Variants in GRIA4 observed in about 807,000 individuals in gnomAD.
The protein encoded by GRIA4 is glutamate receptor 4.
In GRIA4, 34 loss-of-function variants were observed where a neutral mutation model predicts 104.0. The observed-to-expected ratio is 0.33, with a 90% CI of 0.25 to 0.44. The LOEUF (loss-of-function observed/expected upper bound fraction) is 0.44, where lower values mean the gene tolerates loss of function less well. GRIA4 is among the 20% of genes least tolerant of loss of function. The pLI is 1.00. For synonymous variants in GRIA4, 386 were observed against 381.9 expected (o/e 1.01, Z -0.13); for missense variants, 750 against 1,096.5 (o/e 0.68, Z 4.46).
intron 4 of GRIA4, among the ~76,000 whole-genome samples, chr11:105,804,415 T>TA (rs1942858399): frequency 6.6e-6 from 1 of 151,124 alleles, no homozygotes; most frequent in African/African-American, 2.4e-5. Flanking sequence ...AAATGACACA[T>TA]ATGACACATC....
intron 3 of GRIA4, among the ~76,000 whole-genome samples, chr11:105,614,685 G>T (rs923483425): frequency 6.6e-6 from 1 of 151,898 alleles, no homozygotes; most frequent in African/African-American, 2.4e-5. Context: ...AATAAGGAGA[G>T]AACATTTTCT....
chr11:105,763,566 T>A (rs1272093497), intron 4 of GRIA4, among the ~76,000 whole-genome samples: 1 of 152,184 alleles, frequency 6.6e-6, no homozygotes, highest in African/African-American at 2.4e-5. Flanking sequence ...AAGATTTTAC[T>A]ATCTAAAGAC....
At chr11:105,661,978 T>C (rs1276621102) in intron 3 of GRIA4, among the ~76,000 whole-genome samples, 2 of 144,900 alleles carry the variant, frequency 1.4e-5, no homozygotes, top group Non-Finnish European at 3.0e-5. Context: ...AATAAGACCT[T>C]CAATGAAGAA....
At chr11:105,757,853 C>T (rs1940400206) in intron 4 of GRIA4, among the ~76,000 whole-genome samples, 1 of 152,160 alleles carries the variant, frequency 6.6e-6, no homozygotes, top group Non-Finnish European at 1.5e-5. Context: ...AAAAGTCCAA[C>T]AAACAAATTA....
At chr11:105,852,076 G>T (rs1191176822) in intron 4 of GRIA4, among the ~76,000 whole-genome samples, 2 of 152,206 alleles carry the variant, frequency 1.3e-5, no homozygotes, top group East Asian at 3.8e-4. Context: ...TATTTAGGAA[G>T]AAATGTCAGG....
chr11:105,929,435 T>C (rs1450323068), intron 13 of GRIA4, among the ~76,000 whole-genome samples: 1 of 152,152 alleles, frequency 6.6e-6, no homozygotes, highest in Non-Finnish European at 1.5e-5. Context: ...TGAAACTTTA[T>C]ATACTTCATG....
chr11:105,747,085 C>T (rs959732733), intron 3 of GRIA4, among the ~76,000 whole-genome samples: 2 of 152,158 alleles, frequency 1.3e-5, no homozygotes, highest in African/African-American at 4.8e-5. Context: ...CTCAAGTGAA[C>T]TTTCTGTTCA....
At chr11:105,657,809 A>G (rs971407973) in intron 3 of GRIA4, among the ~76,000 whole-genome samples, 8 of 151,986 alleles carry the variant, frequency 5.3e-5, no homozygotes, top group African/African-American at 1.7e-4. Context: ...AGAGGAACTC[A>G]TGTAATATAA....
intron 3 of GRIA4, among the ~76,000 whole-genome samples, chr11:105,670,955 C>A (rs963272818): frequency 1.2e-4 from 19 of 152,180 alleles, no homozygotes; most frequent in African/African-American, 4.1e-4. Context: ...CCTCTAGAGG[C>A]TACCTCATTG....
chr11:105,787,314 C>A (rs1942012564), intron 4 of GRIA4, among the ~76,000 whole-genome samples: 1 of 151,948 alleles, frequency 6.6e-6, no homozygotes, highest in Admixed American at 6.6e-5. Context: ...ACATAAGGCC[C>A]TACTGTTTAG....
intron 4 of GRIA4, among the ~76,000 whole-genome samples, chr11:105,767,123 A>G (rs1198437749): frequency 6.6e-6 from 1 of 152,144 alleles, no homozygotes; most frequent in African/African-American, 2.4e-5. Flanking sequence ...TACTTGTCAA[A>G]TGAAATTTGA....
chr11:105,933,071 T>C (rs533024850), intron 13 of GRIA4, among the ~76,000 whole-genome samples: 13 of 149,188 alleles, frequency 8.7e-5, no homozygotes, highest in African/African-American at 2.9e-4. Flanking sequence ...AGATCCCATC[T>C]TTAAAAAAAT....
intron 3 of GRIA4, among the ~76,000 whole-genome samples, chr11:105,652,046 C>G (rs181819086): frequency 9.3e-4 from 142 of 152,222 alleles, no homozygotes; most frequent in Middle Eastern, 3.4e-3. Flanking sequence ...GGCATAAAGA[C>G]TCCTTTTCTG....
chr11:105,720,448 G>T (rs911881508), intron 3 of GRIA4, among the ~76,000 whole-genome samples: 1 of 152,002 alleles, frequency 6.6e-6, no homozygotes, highest in Non-Finnish European at 1.5e-5. Flanking sequence ...GAAAATATGT[G>T]GCCTATGAAA....
rs551438686 is a variant in GRIA4, at chr11:105,926,527, T to G, written c.1848-214T>G. On this transcript the variant is annotated intron_variant, in intron 12 of 16. Coordinates refer to ENST00000282499, the MANE Select transcript of GRIA4 (RefSeq NM_000829.4). ...CTTTAAACAATAAAAAGGAAATGGT[T>G]GTCATATTTTCAGTGGCATTTATAT... is the stretch of plus-strand genomic sequence containing the variant. Among the ~76,000 whole-genome samples the G allele has an allele frequency of 8.1e-4, 123 of 152,250 alleles. 1 individual carries two copies. The highest frequency in any genetic ancestry group is 3.9e-4 in the East Asian group (2 of 5,182).
chr11:105,800,494 T>C (rs1942675497), intron 4 of GRIA4, among the ~76,000 whole-genome samples: 2 of 152,032 alleles, frequency 1.3e-5, no homozygotes, highest in African/African-American at 4.8e-5. Context: ...TCTAGACTTT[T>C]CAAATTATGT....
intron 3 of GRIA4, among the ~76,000 whole-genome samples, chr11:105,679,325 T>C (rs1324221712): frequency 2.0e-5 from 3 of 152,140 alleles, no homozygotes; most frequent in Non-Finnish European, 4.4e-5. Flanking sequence ...CTCAGAGAAA[T>C]AGCCAGAATA....
At chr11:105,966,542 T>A (rs1858377664) in intron 14 of GRIA4, among the ~76,000 whole-genome samples, 1 of 152,182 alleles carries the variant, frequency 6.6e-6, no homozygotes, top group South Asian at 2.1e-4. Context: ...ACTCTCAGGT[T>A]CTATTCAAGT....
At chr11:105,621,714 A>G (rs1950750568) in intron 3 of GRIA4, among the ~76,000 whole-genome samples, 1 of 151,808 alleles carries the variant, frequency 6.6e-6, no homozygotes, top group Admixed American at 6.6e-5. Flanking sequence ...TTCCTGCAAG[A>G]TCAGTTCCTG....
Sources: allele counts gnomAD v4.1 joint callset (sites outside exome capture counted in the v4.1 genomes callset), GRCh38; gene constraint gnomAD v4.1.1; transcripts MANE v1.5; gene names NCBI Gene and HGNC (gene_info 2026-07-23, HGNC 2026-07-21).